The following DMD variants were observed in gnomAD, a reference collection of about 807,000 sequenced individuals.
DMD encodes dystrophin, also known as mutant dystrophin.
A neutral mutation model predicts 330.1 loss-of-function variants in DMD; 63 were observed. The observed-to-expected ratio is 0.19, with a 90% CI of 0.16 to 0.24. The LOEUF is 0.24. DMD is among the 10% of genes least tolerant of loss of function. The probability of loss-of-function intolerance (pLI) is 1.00; values close to 1 mark genes in which losing one functional copy is unlikely to be tolerated. For synonymous variants in DMD, 1,223 were observed against 959.8 expected, an observed-to-expected ratio of 1.27 and a Z score of -5.07; for missense variants, 3,344 against 2,684.1, an observed-to-expected ratio of 1.25 and a Z score of -5.43.
rs1569562218 is a variant in DMD, at chrX:32,429,389, T to TA, written c.4071+8851_4071+8852insT. On this transcript the variant is annotated intron_variant, in intron 29 of 78. Coordinates refer to ENST00000357033, the MANE Select transcript of DMD (RefSeq NM_004006.3). ...CAAGCCTGGATACTTTTTTTTGGGT[T>TA]TTTTTTTTTTTTTTTTTTTTTTGTA... Among the ~76,000 whole-genome samples the TA allele has an allele frequency of 3.9e-3, 284 of 72,606 alleles. 2 individuals carry two copies. Among genetic ancestry groups the TA allele is most frequent in the African/African-American group, 0.015 (280 of 18,689 alleles). The allele number at this position is 72,606 out of a possible 115,157, so 63.0% of individuals were successfully genotyped here. A position where few individuals can be genotyped will look rare whatever the true frequency, so the allele number is the denominator to read the frequency against.
intron 60 of DMD, among the ~76,000 whole-genome samples, chrX:31,431,559 A>G (rs58732312): frequency 0.13 from 14,016 of 109,160 alleles, 816 homozygotes; most frequent in East Asian, 0.33. Flanking sequence ...CACCACGCCC[A>G]GCTAATTTTG....
intron 60 of DMD, among the ~76,000 whole-genome samples, chrX:31,397,124 G>A (rs2060981707): frequency 8.9e-6 from 1 of 112,133 alleles, no homozygotes; most frequent in Non-Finnish European, 1.9e-5. Context: ...TTTAGATTAA[G>A]TTAATGACTG....
At chrX:31,944,298 G>C (rs914074710) in intron 45 of DMD, among the ~76,000 whole-genome samples, 1 of 111,605 alleles carries the variant, frequency 9.0e-6, no homozygotes, top group African/African-American at 3.3e-5. Context: ...ACAGATATAA[G>C]AACCAGCTGC....
At chrX:31,724,205 C>G (rs1452037605) in intron 52 of DMD, among the ~76,000 whole-genome samples, 1 of 112,121 alleles carries the variant, frequency 8.9e-6, no homozygotes, top group African/African-American at 3.2e-5. Flanking sequence ...AATAAGCAAC[C>G]ATCTAATAGA....
chrX:33,079,974 C>T (rs943754666), intron 1 of DMD, among the ~76,000 whole-genome samples: 5 of 112,136 alleles, frequency 4.5e-5, no homozygotes, highest in East Asian at 2.8e-4. Context: ...ACAAAAAAAT[C>T]GTCTTCAAAA....
intron 1 of DMD, among the ~76,000 whole-genome samples, chrX:33,201,773 A>T (rs916679645): frequency 7.1e-5 from 8 of 112,638 alleles, no homozygotes; most frequent in Admixed American, 9.4e-5. Context: ...ATACTAAATC[A>T]TGTTCAGGTT....
chrX:32,346,886 TTTTC>T (rs2097765634), intron 38 of DMD, among the ~76,000 whole-genome samples: 1 of 111,867 alleles, frequency 8.9e-6, no homozygotes, highest in Admixed American at 9.6e-5. Context: ...TCACCTTTAG[TTTTC>T]TTTCTTTCAA....
At chrX:32,850,537 C>G (rs963964810) in intron 2 of DMD, among the ~76,000 whole-genome samples, 4 of 111,873 alleles carry the variant, frequency 3.6e-5, no homozygotes, top group African/African-American at 1.3e-4. Flanking sequence ...CAGTAACATA[C>G]TTAACCTCTA....
At chrX:32,793,011 C>T (rs1485932198) in intron 7 of DMD, among the ~76,000 whole-genome samples, 1 of 111,985 alleles carries the variant, frequency 8.9e-6, no homozygotes, top group African/African-American at 3.2e-5. Context: ...ATTTTTTTCT[C>T]ATAAGCACAC....
In DMD at chrX:32,750,782, C is replaced by G. The variant is rs772966544; in HGVS notation, c.650-51489G>C. The stretch of plus-strand genomic sequence containing the variant: ...ACCTACTGATATGGTTTGGCTGTGC[C>G]CTCACCCAAATATCATCATGAATTC... On this transcript the variant is annotated intron_variant, in intron 7 of 78. Coordinates refer to ENST00000357033, the MANE Select transcript of DMD (RefSeq NM_004006.3). Among the ~76,000 whole-genome samples the G allele has an allele frequency of 4.6e-4, 51 of 111,566 alleles. No homozygotes were observed. In the Admixed American group the frequency reaches 4.8e-3, roughly 10 times the overall value.
chrX:32,332,413 AGTGTGTGTGTGT>A (rs111973319), intron 41 of DMD, among the ~76,000 whole-genome samples: 4 of 95,338 alleles, frequency 4.2e-5, no homozygotes, highest in South Asian at 5.4e-4. Flanking sequence ...ATGGATAAAA[AGTGTGTGTGTGT>A]GTGTGTGTGT....
chrX:32,215,986 T>C (rs1359916522), intron 44 of DMD, among the ~76,000 whole-genome samples: 1 of 112,236 alleles, frequency 8.9e-6, no homozygotes, highest in Non-Finnish European at 1.9e-5. Flanking sequence ...GGAAACATAT[T>C]TGAGAATGAA....
At chrX:31,158,452 A>G (rs139729853) in intron 74 of DMD, among the ~76,000 whole-genome samples, 2,259 of 111,883 alleles carry the variant, frequency 0.02, 54 homozygotes, top group African/African-American at 0.068. Context: ...GGCTGAAAAG[A>G]GTAGTTGCAG....
intron 5 of DMD, among the ~76,000 whole-genome samples, chrX:32,819,393 A>C (rs541481727): frequency 6.3e-5 from 7 of 110,971 alleles, no homozygotes; most frequent in African/African-American, 2.0e-4. Context: ...CTGATAGCTC[A>C]CCACTGTTAG....
chrX:32,511,524 G>GGAA (rs766801853), intron 18 of DMD, among the ~76,000 whole-genome samples: 6 of 49,793 alleles, frequency 1.2e-4, no homozygotes, highest in African/African-American at 2.3e-4. Context: ...TCCGTCTCGG[G>GGAA]AAAAAAAAAA....
At chrX:31,869,250 C>A (rs2093850148) in intron 48 of DMD, among the ~76,000 whole-genome samples, 1 of 110,660 alleles carries the variant, frequency 9.0e-6, no homozygotes, top group Non-Finnish European at 1.9e-5. Context: ...ATAAATAGGC[C>A]AGTCTTATTT....
intron 5 of DMD, among the ~76,000 whole-genome samples, chrX:32,821,714 A>G (rs1362903007): frequency 8.9e-6 from 1 of 112,118 alleles, no homozygotes; most frequent in Non-Finnish European, 1.9e-5. Context: ...GCCAGACACA[A>G]AAGAACATGT....
intron 62 of DMD, among the ~76,000 whole-genome samples, chrX:31,298,655 T>G (rs1221041060): frequency 8.9e-6 from 1 of 112,183 alleles, no homozygotes; most frequent in Non-Finnish European, 1.9e-5. Flanking sequence ...CACATAATAC[T>G]TTTAGATTGA....
intron 7 of DMD, among the ~76,000 whole-genome samples, chrX:32,746,935 T>C (rs756084663): frequency 9.3e-4 from 104 of 111,852 alleles, no homozygotes; most frequent in Non-Finnish European, 1.5e-3. Flanking sequence ...ACTTTTTAGC[T>C]CTAACATATG....
Sources: allele counts gnomAD v4.1 joint callset (sites outside exome capture counted in the v4.1 genomes callset), GRCh38; gene constraint gnomAD v4.1.1; transcripts MANE v1.5; gene names NCBI Gene and HGNC (gene_info 2026-07-23, HGNC 2026-07-21).